Variants in VPS13D observed in about 807,000 individuals in gnomAD.
VPS13D encodes vacuolar protein sorting 13 homolog D.
A neutral mutation model predicts 461.9 loss-of-function variants in VPS13D; 187 were observed. The observed-to-expected ratio is 0.40, with a 90% confidence interval of 0.36 to 0.46. The LOEUF (loss-of-function observed/expected upper bound fraction) is 0.46, where lower values mean the gene tolerates loss of function less well. Among genes scored for constraint, VPS13D ranks in the 20% least tolerant of loss-of-function variants. VPS13D has a pLI of 0.60. For synonymous variants in VPS13D, 1,951 were observed against 1,986.3 expected, an observed-to-expected ratio of 0.98 and a Z score of 0.47; for missense variants, 4,711 against 5,364.9, an observed-to-expected ratio of 0.88 and a Z score of 3.81.
At chr1:12,486,241 TA>T (rs2100505026) in intron 67 of VPS13D, among the ~76,000 whole-genome samples, 1 of 152,304 alleles carries the variant, frequency 6.6e-6, no homozygotes, top group South Asian at 2.1e-4. Context: ...AGGTTACATT[TA>T]AGGGCAAACA....
intron 63 of VPS13D, among the ~76,000 whole-genome samples, chr1:12,406,696 C>G (rs925704571): frequency 3.9e-5 from 6 of 152,186 alleles, no homozygotes; most frequent in Non-Finnish European, 7.3e-5. Flanking sequence ...CCTGACTCCC[C>G]ATTCTCTCCA....
intron 15 of VPS13D, 22 bp downstream of exon 15, chr1:12,267,942 T>A (rs772914991): frequency 6.4e-7 from 1 of 1,569,090 alleles, no homozygotes; most frequent in South Asian, 1.2e-5. Flanking sequence ...TATGTTGTTT[T>A]TTTAAAATTT....
intron 56 of VPS13D, 102 bp downstream of exon 56, chr1:12,378,693 TG>T: frequency 8.0e-7 from 1 of 1,250,696 alleles, no homozygotes; most frequent in Non-Finnish European, 1.0e-6. Flanking sequence ...AAAGTAAAAA[TG>T]TATATTTTTT....
chr1:12,405,340 CT>C lies in VPS13D; in HGVS notation c.12030+1369del, dbSNP rs200310280. On this transcript the variant is annotated intron_variant, in intron 63 of 69. Coordinates refer to ENST00000620676, the MANE Select transcript of VPS13D (RefSeq NM_015378.4). Reference sequence around the variant, plus strand: ...TTCAAGTTTTTTGGTTTTTTTAAACCTTGTGGGCCTAACAAAACACATGTGT... The same window carrying C: ...TTCAAGTTTTTTGGTTTTTTTAAACCTGTGGGCCTAACAAAACACATGTGT... 1.0e-2 allele frequency among the ~76,000 whole-genome samples: 1,516 copies of C among 152,202 alleles called. 27 individuals are homozygous for C. The highest frequency in any genetic ancestry group is 0.034 in the African/African-American group (1,425 of 41,518).
In VPS13D at chr1:12,506,965, A is replaced by G; in HGVS notation, c.12907A>G (p.Lys4303Glu). Residue 4303 changes from lysine (K) to glutamate (E), a missense_variant, in exon 69 of 70, where the codon AAA (lysine) becomes GAA (glutamate). Around this residue, in one of 3 missense-constraint regions of VPS13D, gnomAD observed 194 missense variants for 220.9 expected, o/e 0.88. Transcript: ENST00000620676. ...VDREAIFLEV[K>E]YDDLYHCLVS... is the part of the protein sequence containing the mutation. ...TCGAGAAGCCATTTTCCTAGAAGTC[A>G]AATACGATGACCTCTACCACTGCCT... is the stretch of plus-strand genomic sequence containing the variant. 6.2e-7 allele frequency: 1 copy of G among 1,614,280 alleles called. No individual in the cohort carries two copies. Among genetic ancestry groups the G allele is most frequent in the Non-Finnish European group, 8.5e-7 (1 of 1,180,044 alleles).
Position 12,363,147 on chromosome 1 carries a change from T to A in VPS13D, c.10348T>A (p.Tyr3450Asn), listed in dbSNP as rs1643976178. 1 of 1,614,114 alleles carries A rather than the reference T, an allele frequency of 6.2e-7. No homozygotes were observed. The highest frequency in any genetic ancestry group is 8.5e-7 in the Non-Finnish European group (1 of 1,180,054). ...GGTGTTCCACTGGCCTCGGAATGAC[T>A]ATGATCAGCTATTGTGTGTCAGACT... ...SVVFHWPRNDYDQLLCVRLMD... is the reference protein window; with the variant it reads ...SVVFHWPRNDNDQLLCVRLMD... Residue 3450 changes from tyrosine to asparagine, a missense_variant, in exon 52 of 70, where the codon TAT becomes AAT. This residue lies in a region of VPS13D where 4,411 missense variants were observed against 4,937.8 expected (regional missense o/e 0.89). Coordinates refer to ENST00000620676, the MANE Select transcript of VPS13D (RefSeq NM_015378.4).
intron 65 of VPS13D, among the ~76,000 whole-genome samples, chr1:12,424,648 A>C (rs1467647584): frequency 6.6e-6 from 1 of 152,234 alleles, no homozygotes; most frequent in Non-Finnish European, 1.5e-5. Context: ...CAGGTAGCTC[A>C]GTAGCCAGAA....
At chr1:12,323,479 A>G (rs1420097251) in intron 34 of VPS13D, among the ~76,000 whole-genome samples, 3 of 151,492 alleles carry the variant, frequency 2.0e-5, no homozygotes, top group Non-Finnish European at 2.9e-5. Flanking sequence ...CCCCACCCCA[A>G]TTCCTGGCCA....
chr1:12,506,938 G>A lies in VPS13D; in HGVS notation c.12880G>A (p.Asp4294Asn). 1 of 1,614,256 alleles carries A rather than the reference G, an allele frequency of 6.2e-7. No individual in the cohort carries two copies. Among genetic ancestry groups the A allele is most frequent in the Non-Finnish European group, 8.5e-7 (1 of 1,180,052 alleles). Residue 4294 changes from aspartate (D) to asparagine (N), a missense_variant, in exon 69 of 70, where the codon GAT becomes AAT. This residue lies in a region of VPS13D where 194 missense variants were observed against 220.9 expected (regional missense o/e 0.88). Coordinates refer to ENST00000620676, the MANE Select transcript of VPS13D (RefSeq NM_015378.4). ...CTTCCTGAAAAGTGGAGACTACGTGGATCGAGAAGCCATTTTCCTAGAAGT... is the reference window on the plus strand; with the variant it reads ...CTTCCTGAAAAGTGGAGACTACGTGAATCGAGAAGCCATTTTCCTAGAAGT... ...VYFLKSGDYV[D>N]REAIFLEVKY... is the part of the protein sequence containing the mutation.
intron 5 of VPS13D, among the ~76,000 whole-genome samples, chr1:12,247,588 T>A (rs987446705): frequency 6.6e-6 from 1 of 152,172 alleles, no homozygotes; most frequent in Non-Finnish European, 1.5e-5. Context: ...GATCTTGCTA[T>A]GATTTCGATT....
At position 12,299,519 on chromosome 1, in the gene VPS13D, G is replaced by T; in HGVS notation, c.6216+135G>T. On this transcript the variant is annotated intron_variant, in intron 25 of 69. Transcript: ENST00000620676. The surrounding 1 kb of genome is among the most constrained non-coding windows in gnomAD (Gnocchi z 4.2). ...GTATGTGGCTTGAAGAATTTTTTTT[G>T]GCATTTTATTGATATTTCAGTTAAC... 2.1e-6 allele frequency: 2 copies of T among 958,992 alleles called. No individual in the cohort carries two copies. The highest frequency in any genetic ancestry group is 3.6e-5 in the Admixed American group (1 of 28,152). The allele number at this position is 958,992 out of a possible 1,614,324, so 59.4% of individuals were successfully genotyped here.
At chr1:12,440,890 TA>T (rs1448193546) in intron 65 of VPS13D, among the ~76,000 whole-genome samples, 3 of 151,644 alleles carry the variant, frequency 2.0e-5, no homozygotes, top group Admixed American at 2.0e-4. Flanking sequence ...AAATAAAAAA[TA>T]ATAAAATTAA....
intron 37 of VPS13D, 54 bp downstream of exon 37, chr1:12,329,972 GCCTGGACCT>G: frequency 6.8e-7 from 1 of 1,461,522 alleles, no homozygotes; most frequent in Non-Finnish European, 9.4e-7. Context: ...TTAAATGTTT[GCCTGGACCT>G]ATTGCTACGT....
intron 6 of VPS13D, among the ~76,000 whole-genome samples, chr1:12,250,500 A>C (rs1327460548): frequency 1.3e-5 from 2 of 152,236 alleles, no homozygotes; most frequent in African/African-American, 4.8e-5. Context: ...CATAACTAGA[A>C]TGATCCTGTG....
Position 12,283,061 on chromosome 1 carries a change from A to T in VPS13D, c.4959A>T (p.Glu1653Asp). Residue 1653 changes from glutamate to aspartate, a missense_variant, in exon 21 of 70, where the codon GAA (glutamate) becomes GAT (aspartate). Around this residue, in one of 3 missense-constraint regions of VPS13D, gnomAD observed 4,411 missense variants for 4,937.8 expected, o/e 0.89. Transcript: ENST00000620676. ...VSLKFQDFEV[E>D]FSKDHPQTLS... ...TAAAGTTTCAGGACTTTGAGGTGGAATTCAGTAAAGACCATCCCCAGACTT... is the reference window on the plus strand; with the variant it reads ...TAAAGTTTCAGGACTTTGAGGTGGATTTCAGTAAAGACCATCCCCAGACTT... 1 of 1,614,202 alleles carries T rather than the reference A, an allele frequency of 6.2e-7. No homozygotes were observed. Among genetic ancestry groups the T allele is most frequent in the Non-Finnish European group, 8.5e-7 (1 of 1,180,018 alleles).
At chr1:12,484,269 C>T (rs1645765980) in intron 67 of VPS13D, among the ~76,000 whole-genome samples, 1 of 152,176 alleles carries the variant, frequency 6.6e-6, no homozygotes, top group South Asian at 2.1e-4. Context: ...TGCCGGACCA[C>T]CCCAGCGCTC....
At chr1:12,274,337 G>T (rs1569767680) in intron 18 of VPS13D, among the ~76,000 whole-genome samples, 1 of 152,174 alleles carries the variant, frequency 6.6e-6, no homozygotes, top group African/African-American at 2.4e-5. Flanking sequence ...ACCGCACCTG[G>T]CCAATTTTTT....
chr1:12,425,426 G>T (rs1427045603), intron 65 of VPS13D, among the ~76,000 whole-genome samples: 1 of 152,048 alleles, frequency 6.6e-6, no homozygotes, highest in African/African-American at 2.4e-5. Context: ...AAGCGTGGTG[G>T]TGCATGCCTG....
chr1:12,368,671 A>G, intron 53 of VPS13D, 80 bp downstream of exon 53: 2 of 1,445,532 alleles, frequency 1.4e-6, no homozygotes, highest in Non-Finnish European at 1.8e-6. Context: ...ACACAATGGT[A>G]CAATACATTT....
Sources: gnomAD v4.1 joint callset for allele counts (sites outside exome capture counted in the v4.1 genomes callset) on GRCh38, gnomAD v4.1.1 for gene constraint, gnomAD v4.1.1 regional missense constraint, Gnocchi (gnomAD v3.1) non-coding constraint, MANE v1.5 for transcripts, NCBI Gene and HGNC (gene_info 2026-07-23, HGNC 2026-07-21) for gene names.